Variants in NPAS3 observed in about 807,000 individuals in gnomAD.
The protein encoded by NPAS3 is neuronal PAS domain protein 3.
A neutral mutation model predicts 73.1 loss-of-function variants in NPAS3; 14 were observed. The observed-to-expected ratio is 0.19, with a 90% CI of 0.13 to 0.30. The LOEUF is 0.30. Among genes scored for constraint, NPAS3 ranks in the 10% least tolerant of loss-of-function variants. The pLI is 1.00. For missense variants in NPAS3, 1,096 were observed against 1,250.0 expected, an observed-to-expected ratio of 0.88 and a Z score of 1.86; for synonymous variants, 620 against 541.5, an observed-to-expected ratio of 1.14 and a Z score of -2.01.
intron 4 of NPAS3, among the ~76,000 whole-genome samples, chr14:33,437,140 G>A (rs562332357): frequency 6.6e-6 from 1 of 152,284 alleles, no homozygotes; most frequent in South Asian, 2.1e-4. Flanking sequence ...TTAGGTGATT[G>A]ATATTTGTTG....
rs1424366777 is a variant in NPAS3, at chr14:33,800,626, G to T, written c.2319G>T (p.Ala773=). 2.2e-6 allele frequency: 3 copies of T among 1,371,332 alleles called. No individual in the cohort carries two copies. The highest frequency in any genetic ancestry group is 1.9e-6 in the Non-Finnish European group (2 of 1,069,372). 84.9% of individuals were successfully genotyped at this position (1,371,332 alleles called of 1,614,324 possible). ...GGGGCGGGGGCGGGGGCGGCGGCGC[G>T]GGGGGCGGCGGCCCCAGCGCGTCCA... is the stretch of plus-strand genomic sequence containing the variant. Residue 773 remains alanine, a synonymous_variant, in exon 12 of 12, where the codon GCG becomes GCT. Transcript: ENST00000356141. The surrounding 1 kb of genome is among the most constrained non-coding windows in gnomAD (Gnocchi z 6.5).
chr14:33,382,727 A>G (rs942026629), intron 4 of NPAS3, among the ~76,000 whole-genome samples: 15 of 152,314 alleles, frequency 9.8e-5, no homozygotes, highest in African/African-American at 3.6e-4. Context: ...TAAAATTCCA[A>G]TAATTGCATT....
At chr14:33,332,968 A>C (rs774395528) in intron 3 of NPAS3, among the ~76,000 whole-genome samples, 2 of 152,256 alleles carry the variant, frequency 1.3e-5, no homozygotes, top group African/African-American at 2.4e-5. Context: ...AGAAGAATGC[A>C]ATTCTCCTTC....
rs201307972 is a variant in NPAS3, at chr14:33,701,497, A to G, written c.733+25112A>G. On this transcript the variant is annotated intron_variant, in intron 6 of 11. Transcript: ENST00000356141. ...ATTCTCAGAGTGGACCCTGGCTCCA[A>G]AAGACAGTGGGAATTACTGTTTCAG... Among the ~76,000 whole-genome samples, 23 of 152,370 alleles carry G rather than the reference A, an allele frequency of 1.5e-4. No homozygotes were observed. In the East Asian group the frequency reaches 4.2e-3, roughly 28 times the overall value.
intron 6 of NPAS3, among the ~76,000 whole-genome samples, chr14:33,706,537 C>T (rs1595474387): frequency 6.6e-6 from 1 of 152,252 alleles, no homozygotes; most frequent in South Asian, 2.1e-4. Context: ...ACAAAATGGA[C>T]ACTGGGGCAC....
At chr14:33,603,936 T>G (rs944434862) in intron 5 of NPAS3, among the ~76,000 whole-genome samples, 2 of 152,034 alleles carry the variant, frequency 1.3e-5, no homozygotes, top group African/African-American at 4.8e-5. Flanking sequence ...AGGGCTCTTT[T>G]ATGAGAACCG....
At chr14:33,681,490 T>A (rs1290356206) in intron 6 of NPAS3, among the ~76,000 whole-genome samples, 2 of 152,128 alleles carry the variant, frequency 1.3e-5, no homozygotes, top group African/African-American at 2.4e-5. Flanking sequence ...GGCCAAGGTG[T>A]TGAGGGAGCT....
chr14:33,698,782 C>T (rs1218620067), intron 6 of NPAS3, among the ~76,000 whole-genome samples: 3 of 152,138 alleles, frequency 2.0e-5, no homozygotes, highest in South Asian at 2.1e-4. Context: ...TTGTAATTTT[C>T]AATTGAATTG....
At chr14:33,565,400 A>T (rs865874062) in intron 5 of NPAS3, among the ~76,000 whole-genome samples, 2 of 152,386 alleles carry the variant, frequency 1.3e-5, no homozygotes, top group African/African-American at 4.8e-5. Flanking sequence ...TATTTGAATA[A>T]TAAAGAAGAA....
chr14:33,290,772 A>G (rs924268506), intron 3 of NPAS3, among the ~76,000 whole-genome samples: 4 of 152,250 alleles, frequency 2.6e-5, no homozygotes, highest in Admixed American at 2.0e-4. Flanking sequence ...CACAGAGCTC[A>G]GAGAATGATT....
At chr14:33,555,896 C>CTGTGTGTGTGTG (rs60426737) in intron 4 of NPAS3, among the ~76,000 whole-genome samples, 139 of 151,334 alleles carry the variant, frequency 9.2e-4, no homozygotes, top group African/African-American at 3.1e-3. Context: ...GTTGGTGTGT[C>CTGTGTGTGTGTG]TGTGTGTGTG....
At chr14:33,464,710 G>A (rs2050429899) in intron 4 of NPAS3, among the ~76,000 whole-genome samples, 1 of 152,212 alleles carries the variant, frequency 6.6e-6, no homozygotes, top group Non-Finnish European at 1.5e-5. Context: ...GGCCGTGCAT[G>A]AGGATTGTTC....
chr14:33,661,937 T>A (rs1375481299), intron 5 of NPAS3, among the ~76,000 whole-genome samples: 1 of 152,220 alleles, frequency 6.6e-6, no homozygotes, highest in Non-Finnish European at 1.5e-5. Flanking sequence ...TGTTGGCTTT[T>A]AAGGCAAAAC....
At chr14:33,390,126 A>C (rs538971828) in intron 4 of NPAS3, among the ~76,000 whole-genome samples, 142 of 152,326 alleles carry the variant, frequency 9.3e-4, no homozygotes, top group Middle Eastern at 6.8e-3. Flanking sequence ...AGGATACTGG[A>C]AAGAGATTCA....
intron 5 of NPAS3, among the ~76,000 whole-genome samples, chr14:33,571,951 C>T (rs2056233592): frequency 6.6e-6 from 1 of 152,136 alleles, no homozygotes; most frequent in East Asian, 1.9e-4. Flanking sequence ...CTCACAGATA[C>T]CTCATCGCTA....
chr14:33,537,131 T>C (rs1213352910), intron 4 of NPAS3, among the ~76,000 whole-genome samples: 3 of 152,290 alleles, frequency 2.0e-5, no homozygotes, highest in Admixed American at 6.5e-5. Flanking sequence ...TCCCCCTCCA[T>C]GTAGACAATG....
chr14:33,190,967 C>T (rs993025183), intron 2 of NPAS3, among the ~76,000 whole-genome samples: 9 of 152,092 alleles, frequency 5.9e-5, no homozygotes, highest in Non-Finnish European at 1.3e-4. Context: ...TTATGGATTC[C>T]CCCCCACAAT....
intron 9 of NPAS3, among the ~76,000 whole-genome samples, chr14:33,784,167 C>G (rs779518404): frequency 6.6e-6 from 1 of 152,136 alleles, no homozygotes; most frequent in African/African-American, 2.4e-5. Flanking sequence ...GTTTTTTTCC[C>G]TTGGGCGAAT....
At chr14:33,750,939 C>T (rs1304039671) in intron 7 of NPAS3, among the ~76,000 whole-genome samples, 1 of 152,124 alleles carries the variant, frequency 6.6e-6, no homozygotes, top group Non-Finnish European at 1.5e-5. Context: ...TGTTAACCAG[C>T]TCTTAAGGGA....
Sources: allele counts gnomAD v4.1 joint callset (sites outside exome capture counted in the v4.1 genomes callset), GRCh38; gene constraint gnomAD v4.1.1; non-coding constraint Gnocchi (gnomAD v3.1); transcripts MANE v1.5; gene names NCBI Gene and HGNC (gene_info 2026-07-23, HGNC 2026-07-21).